The following PTPRT variants were observed in gnomAD, a reference collection of about 807,000 sequenced individuals.
The protein encoded by PTPRT is receptor-type tyrosine-protein phosphatase T.
PTPRT carries 56 observed loss-of-function variants against 176.8 expected under a neutral mutation model. The ratio of observed to expected loss-of-function variants is 0.32; its 90% CI spans 0.26 to 0.40. The LOEUF is 0.40. Ranked by LOEUF, PTPRT falls within the 10% of genes least tolerant of loss-of-function variation. The pLI, the probability that PTPRT is intolerant of heterozygous loss-of-function variation, is 1.00. For synonymous variants in PTPRT, 783 were observed against 739.0 expected (o/e 1.06, Z -0.96); for missense variants, 1,540 against 1,908.2 (o/e 0.81, Z 3.60).
Position 42,696,149 on chromosome 20 carries a change from T to C in PTPRT, c.860-17990A>G, listed in dbSNP as rs147150650. ...TTTTCCTCTGCTCTTCCCTCCCTTT[T>C]CTTCCCTCTCCCCTAAACCCTCTCT... On this transcript the variant is annotated intron_variant, in intron 6 of 30. Transcript: ENST00000373187. Among the ~76,000 whole-genome samples, 24 of 151,842 alleles carry C rather than the reference T, an allele frequency of 1.6e-4. 1 individual carries two copies. The East Asian group carries it at 4.7e-3, about 30-fold the overall frequency.
chr20:42,263,678 C>G (rs1201568273), intron 13 of PTPRT, among the ~76,000 whole-genome samples: 1 of 138,438 alleles, frequency 7.2e-6, no homozygotes, highest in Non-Finnish European at 1.6e-5. Context: ...TGCGCCGGGC[C>G]TTTTTTTTTT....
At chr20:43,077,385 C>G (rs1211216818) in intron 1 of PTPRT, among the ~76,000 whole-genome samples, 1 of 152,148 alleles carries the variant, frequency 6.6e-6, no homozygotes, top group Non-Finnish European at 1.5e-5. Context: ...TGTCCACATC[C>G]TTATGTATAT....
intron 7 of PTPRT, among the ~76,000 whole-genome samples, chr20:42,659,013 T>A (rs1030195483): frequency 6.6e-6 from 1 of 152,204 alleles, no homozygotes; most frequent in Non-Finnish European, 1.5e-5. Context: ...ATAATCTCCA[T>A]GTGGTGGGGT....
chr20:42,169,568 GC>G (rs1600625022), intron 16 of PTPRT, among the ~76,000 whole-genome samples: 1 of 151,942 alleles, frequency 6.6e-6, no homozygotes, highest in Non-Finnish European at 1.5e-5. Context: ...GGACAGTGAG[GC>G]AACGATGAGG....
intron 2 of PTPRT, among the ~76,000 whole-genome samples, chr20:42,841,995 T>C (rs1019215811): frequency 6.6e-6 from 1 of 152,038 alleles, no homozygotes; most frequent in African/African-American, 2.4e-5. Context: ...GGTCTCAGCA[T>C]GTGACAGGAA....
At chr20:42,156,561 G>A (rs1213308443) in intron 17 of PTPRT, among the ~76,000 whole-genome samples, 1 of 152,192 alleles carries the variant, frequency 6.6e-6, no homozygotes, top group Non-Finnish European at 1.5e-5. Flanking sequence ...ACCACATGGA[G>A]ACACTAATAT....
intron 9 of PTPRT, among the ~76,000 whole-genome samples, chr20:42,445,281 T>C (rs963899094): frequency 6.6e-6 from 1 of 152,210 alleles, no homozygotes; most frequent in Non-Finnish European, 1.5e-5. Flanking sequence ...ATTTATAATG[T>C]TATTTCTAAA....
chr20:42,788,199 A>T (rs1251705417), intron 3 of PTPRT, among the ~76,000 whole-genome samples: 1 of 151,352 alleles, frequency 6.6e-6, no homozygotes, highest in Non-Finnish European at 1.5e-5. Flanking sequence ...ACAGGGGCTT[A>T]ACCTCACACC....
intron 1 of PTPRT, among the ~76,000 whole-genome samples, chr20:43,040,642 T>A (rs951695874): frequency 6.6e-6 from 1 of 152,180 alleles, no homozygotes; most frequent in Non-Finnish European, 1.5e-5. Flanking sequence ...CTGCTAACAC[T>A]TCCTCCTCTT....
intron 7 of PTPRT, among the ~76,000 whole-genome samples, chr20:42,475,097 C>T (rs1051323993): frequency 5.9e-5 from 9 of 152,110 alleles, no homozygotes; most frequent in Non-Finnish European, 8.8e-5. Flanking sequence ...AACCCACAAA[C>T]AAAGCTATAA....
chr20:42,335,760 G>GA (rs2058031357), intron 11 of PTPRT, among the ~76,000 whole-genome samples: 1 of 152,104 alleles, frequency 6.6e-6, no homozygotes, highest in East Asian at 1.9e-4. Flanking sequence ...TCTGTGGGAG[G>GA]AAAAATGTAT....
intron 1 of PTPRT, among the ~76,000 whole-genome samples, chr20:43,036,505 G>A (rs1181523368): frequency 6.6e-6 from 1 of 151,006 alleles, no homozygotes; most frequent in East Asian, 1.9e-4. Context: ...AGGTTTTGTA[G>A]GATGTAGGGT....
chr20:42,338,607 T>C (rs1384355209), intron 11 of PTPRT, among the ~76,000 whole-genome samples: 1 of 152,154 alleles, frequency 6.6e-6, no homozygotes, highest in Non-Finnish European at 1.5e-5. Flanking sequence ...ATTGAAGAAA[T>C]TGAACAATAG....
intron 26 of PTPRT, among the ~76,000 whole-genome samples, chr20:42,098,804 A>AT (rs199959268): frequency 0.01 from 1,525 of 152,378 alleles, 12 homozygotes; most frequent in Non-Finnish European, 0.013. Flanking sequence ...TAAATTATTT[A>AT]TGCCTCGGAG....
At chr20:42,912,328 A>G (rs1978451744) in intron 1 of PTPRT, among the ~76,000 whole-genome samples, 1 of 152,188 alleles carries the variant, frequency 6.6e-6, no homozygotes. Flanking sequence ...AATGTTTTTT[A>G]TAAGTTCAAC....
In PTPRT at chr20:43,130,037, C is replaced by T. The variant is rs879861545; in HGVS notation, c.88+59609G>A. ...AAGCCAAAACAACTAAGTTGATCTACGTAACAAAAACTATACAAGTGGGTA... is the reference window on the plus strand; with the variant it reads ...AAGCCAAAACAACTAAGTTGATCTATGTAACAAAAACTATACAAGTGGGTA... On this transcript the variant is annotated intron_variant, in intron 1 of 30. Transcript: ENST00000373187. 1.6e-4 allele frequency among the ~76,000 whole-genome samples: 25 copies of T among 152,034 alleles called. 1 individual carries two copies. Among genetic ancestry groups the T allele is most frequent in the Non-Finnish European group, 2.9e-4 (20 of 67,988 alleles).
intron 5 of PTPRT, among the ~76,000 whole-genome samples, chr20:42,767,562 T>C (rs749295142): frequency 1.3e-5 from 2 of 151,720 alleles, no homozygotes; most frequent in African/African-American, 2.4e-5. Context: ...GGACATATTA[T>C]ATATGGAAGG....
intron 9 of PTPRT, among the ~76,000 whole-genome samples, chr20:42,386,855 G>A (rs754743771): frequency 6.6e-5 from 10 of 152,076 alleles, no homozygotes; most frequent in Admixed American, 1.3e-4. Flanking sequence ...GTGAGACTCC[G>A]TCTCAAACAA....
chr20:42,345,404 A>T (rs887083675), intron 11 of PTPRT, among the ~76,000 whole-genome samples: 14 of 146,076 alleles, frequency 9.6e-5, no homozygotes, highest in South Asian at 2.2e-4. Context: ...TATATATATA[A>T]AACTAGTTAC....
Sources: gnomAD v4.1 joint callset for allele counts (sites outside exome capture counted in the v4.1 genomes callset) on GRCh38, gnomAD v4.1.1 for gene constraint, MANE v1.5 for transcripts, NCBI Gene and HGNC (gene_info 2026-07-23, HGNC 2026-07-21) for gene names.